The following SORCS1 variants were observed in gnomAD, a reference collection of about 807,000 sequenced individuals.
SORCS1 encodes the protein sortilin related VPS10 domain containing receptor 1, also known as VPS10 domain-containing receptor SorCS1.
A neutral mutation model predicts 146.1 loss-of-function variants in SORCS1; 60 were observed. The ratio of observed to expected loss-of-function variants is 0.41; its 90% CI spans 0.33 to 0.51. SORCS1 has a LOEUF of 0.51. Among genes scored for constraint, SORCS1 ranks in the 20% least tolerant of loss-of-function variants. SORCS1 has a pLI of 0.21. For missense variants in SORCS1, 1,352 were observed against 1,487.6 expected, an observed-to-expected ratio of 0.91 and a Z score of 1.50; for synonymous variants, 637 against 584.0, an observed-to-expected ratio of 1.09 and a Z score of -1.31.
At chr10:106,741,041 G>A (rs1445598057) in intron 5 of SORCS1, among the ~76,000 whole-genome samples, 1 of 152,178 alleles carries the variant, frequency 6.6e-6, no homozygotes, top group Non-Finnish European at 1.5e-5. Flanking sequence ...TCAAGAGTAT[G>A]AATCAAGGAA....
chr10:106,782,815 T>G (rs867398089), intron 3 of SORCS1, among the ~76,000 whole-genome samples: 2 of 152,312 alleles, frequency 1.3e-5, no homozygotes, highest in Middle Eastern at 3.4e-3. Context: ...CGTATATATT[T>G]CCATGGCGGG....
chr10:106,852,627 CAAAAAAA>C (rs370300215), intron 2 of SORCS1, among the ~76,000 whole-genome samples: 2 of 85,022 alleles, frequency 2.4e-5, no homozygotes, highest in East Asian at 3.2e-4. Flanking sequence ...GACCCTGTCT[CAAAAAAA>C]AAAAAAAAAA....
intron 24 of SORCS1, among the ~76,000 whole-genome samples, chr10:106,594,653 C>T (rs546803759): frequency 6.6e-6 from 1 of 152,172 alleles, no homozygotes; most frequent in Non-Finnish European, 1.5e-5. Context: ...TCCTGTTCAA[C>T]AGAGCAAGGT....
In SORCS1 at chr10:106,630,912, A is replaced by G. The variant is rs559520165; in HGVS notation, c.2476-1524T>C. 2.0e-5 allele frequency among the ~76,000 whole-genome samples: 3 copies of G among 152,110 alleles called. No individual in the cohort carries two copies. The East Asian group carries it at 5.8e-4, about 29-fold the overall frequency. ...GATTCTTAAGGAAAAAAAGTTGCTC[A>G]GACCCCATTGACAAAAACCAGCTTC... On this transcript the variant is annotated intron_variant, in intron 18 of 25. Coordinates refer to ENST00000263054, the MANE Select transcript of SORCS1 (RefSeq NM_052918.5).
chr10:106,628,440 A>G (rs769790044), intron 19 of SORCS1, among the ~76,000 whole-genome samples: 1 of 152,234 alleles, frequency 6.6e-6, no homozygotes, highest in Non-Finnish European at 1.5e-5. Context: ...TTTCATTTAA[A>G]GGAAACAATT....
At chr10:107,006,689 C>T (rs995245044) in intron 1 of SORCS1, among the ~76,000 whole-genome samples, 5 of 152,050 alleles carry the variant, frequency 3.3e-5, no homozygotes, top group Admixed American at 6.6e-5. Flanking sequence ...TGGTGGCGGG[C>T]GCCTGTAGTC....
rs983411360 is a variant in SORCS1 at position 106,960,407 on chromosome 10, T to G, written c.559-3827A>C. ...TGGTCCATACGTTTTCTCTTTTTCT[T>G]TTTCTTTTTTTTTTTTGAGATGGAA... On this transcript the variant is annotated intron_variant, in intron 1 of 25. Coordinates refer to ENST00000263054, the MANE Select transcript of SORCS1 (RefSeq NM_052918.5). This position sits in a 1 kb window ranked among gnomAD's most constrained non-coding sequence, Gnocchi z 4.4. Among the ~76,000 whole-genome samples the G allele has an allele frequency of 8.1e-5, 12 of 148,088 alleles. No individual in the cohort carries two copies. The highest frequency in any genetic ancestry group is 3.2e-4 in the African/African-American group (12 of 37,962).
intron 23 of SORCS1, among the ~76,000 whole-genome samples, chr10:106,606,274 T>TACACACACACACAC (rs6144077): frequency 1.1e-4 from 15 of 139,006 alleles, no homozygotes; most frequent in African/African-American, 4.5e-4. Context: ...CACACAGATA[T>TACACACACACACAC]ACACACACAC....
intron 1 of SORCS1, among the ~76,000 whole-genome samples, chr10:107,108,033 C>A (rs189056436): frequency 6.6e-6 from 1 of 152,256 alleles, no homozygotes; most frequent in Non-Finnish European, 1.5e-5. Flanking sequence ...CTGCCTGAGT[C>A]CCCAGGGTAG....
intron 1 of SORCS1, among the ~76,000 whole-genome samples, chr10:107,145,652 A>C (rs1172921260): frequency 6.6e-6 from 1 of 152,250 alleles, no homozygotes; most frequent in Non-Finnish European, 1.5e-5. Flanking sequence ...AGTTGGCTAC[A>C]GGGAAGTTTT....
intron 1 of SORCS1, among the ~76,000 whole-genome samples, chr10:107,067,095 C>A (rs1961945599): frequency 6.6e-6 from 1 of 152,176 alleles, no homozygotes; most frequent in African/African-American, 2.4e-5. Flanking sequence ...GAAACTCAAA[C>A]TCATACTGGA....
chr10:106,911,557 G>A (rs779658460), intron 2 of SORCS1, among the ~76,000 whole-genome samples: 56 of 151,968 alleles, frequency 3.7e-4, no homozygotes, highest in Non-Finnish European at 6.2e-4. Context: ...ATTGGGCAGC[G>A]TAGTCCCCAC....
chr10:106,761,531 T>C, intron 5 of SORCS1, 57 bp downstream of exon 5: 2 of 1,466,802 alleles, frequency 1.4e-6, no homozygotes, highest in South Asian at 2.3e-5. Flanking sequence ...GGGCATTTAC[T>C]AGGTCATATC....
chr10:106,764,073 G>A (rs182923533), intron 4 of SORCS1, among the ~76,000 whole-genome samples: 1 of 152,254 alleles, frequency 6.6e-6, no homozygotes, highest in East Asian at 1.9e-4. Flanking sequence ...AGAGGAATAT[G>A]TTTTGCTTCC....
intron 1 of SORCS1, among the ~76,000 whole-genome samples, chr10:106,978,245 TG>T (rs1175618406): frequency 6.6e-6 from 1 of 152,142 alleles, no homozygotes; most frequent in Non-Finnish European, 1.5e-5. Flanking sequence ...ATGCCTGGCC[TG>T]TGGTTAATCA....
intron 1 of SORCS1, among the ~76,000 whole-genome samples, chr10:106,970,841 C>G (rs527332501): frequency 6.6e-6 from 1 of 151,820 alleles, no homozygotes; most frequent in South Asian, 2.1e-4. Flanking sequence ...CAGGTTCAAG[C>G]AATTCTCCTG....
At chr10:107,021,580 T>C (rs1318975044) in intron 1 of SORCS1, among the ~76,000 whole-genome samples, 2 of 142,334 alleles carry the variant, frequency 1.4e-5, no homozygotes, top group South Asian at 2.3e-4. Flanking sequence ...TCCTCCCAAA[T>C]GCAGGGCAGT....
chr10:106,898,893 A>T (rs1481610315), intron 2 of SORCS1, among the ~76,000 whole-genome samples: 1 of 152,110 alleles, frequency 6.6e-6, no homozygotes, highest in Non-Finnish European at 1.5e-5. Flanking sequence ...CCCAGCTCCT[A>T]AGTAAAGGAA....
intron 3 of SORCS1, among the ~76,000 whole-genome samples, chr10:106,783,488 G>A (rs968969137): frequency 2.0e-5 from 3 of 152,048 alleles, no homozygotes; most frequent in African/African-American, 4.8e-5. Context: ...GCTAAAATAT[G>A]ATAGTTGAAT....
Sources: allele counts gnomAD v4.1 joint callset (sites outside exome capture counted in the v4.1 genomes callset), GRCh38; gene constraint gnomAD v4.1.1; non-coding constraint Gnocchi (gnomAD v3.1); transcripts MANE v1.5; gene names NCBI Gene and HGNC (gene_info 2026-07-23, HGNC 2026-07-21).